The following NELL1 variants were observed in gnomAD, a reference collection of about 807,000 sequenced individuals.
NELL1 encodes the protein neural EGFL like 1, also known as protein kinase C-binding protein NELL1.
A neutral mutation model predicts 107.4 loss-of-function variants in NELL1; 76 were observed. That is an observed-to-expected ratio of 0.71 (90% CI 0.59 to 0.86). The LOEUF (loss-of-function observed/expected upper bound fraction) is 0.86, where lower values mean the gene tolerates loss of function less well. Among genes scored for constraint, NELL1 ranks in the 40% least tolerant of loss-of-function variants. NELL1 has a pLI of 0.00. For synonymous variants in NELL1, 353 were observed against 341.2 expected (o/e 1.03, Z -0.38); for missense variants, 1,024 against 1,005.5 (o/e 1.02, Z -0.25).
chr11:21,362,279 C>A (rs148625140), intron 14 of NELL1, among the ~76,000 whole-genome samples: 2 of 152,114 alleles, frequency 1.3e-5, no homozygotes, highest in East Asian at 3.9e-4. Context: ...GTTCTAGCCA[C>A]CCAGCAGAGC....
chr11:20,886,619 G>A (rs566235038), intron 5 of NELL1, among the ~76,000 whole-genome samples: 13 of 152,074 alleles, frequency 8.5e-5, no homozygotes, highest in Admixed American at 2.0e-4. Context: ...GTGTAATTCC[G>A]CATGTTCTCA....
At chr11:20,754,781 G>A (rs146981212) in intron 2 of NELL1, among the ~76,000 whole-genome samples, 3,560 of 152,134 alleles carry the variant, frequency 0.023, 63 homozygotes, top group Middle Eastern at 0.031. Context: ...ACAAACAATC[G>A]TAACATAAGA....
chr11:21,005,560 A>C (rs1388491817), intron 12 of NELL1, among the ~76,000 whole-genome samples: 1 of 152,126 alleles, frequency 6.6e-6, no homozygotes, highest in East Asian at 1.9e-4. Flanking sequence ...TGTCTTTATA[A>C]ATGGGTAGCA....
rs575281393 is a variant in NELL1 at position 21,380,136 on chromosome 11, G to A, written c.1645+9188G>A. Among the ~76,000 whole-genome samples the A allele has an allele frequency of 3.0e-4, 45 of 152,112 alleles. 1 individual carries two copies. In the South Asian group the frequency reaches 8.5e-3, roughly 29 times the overall value. ...AATTTGAGCTTTCTCAGGTTGTCTG[G>A]CACATGATTACTTGCTCAGTAAATG... On this transcript the variant is annotated intron_variant, in intron 15 of 19. Transcript: ENST00000357134.
At chr11:21,254,793 T>G (rs1482205852) in intron 14 of NELL1, among the ~76,000 whole-genome samples, 1 of 152,060 alleles carries the variant, frequency 6.6e-6, no homozygotes, top group Admixed American at 6.6e-5. Flanking sequence ...ACAGTACATT[T>G]CACAGCCATT....
At chr11:21,315,820 G>C (rs1294750278) in intron 14 of NELL1, among the ~76,000 whole-genome samples, 1 of 151,876 alleles carries the variant, frequency 6.6e-6, no homozygotes, top group African/African-American at 2.4e-5. Flanking sequence ...TAAAACTGTT[G>C]TCCAGTGAGT....
rs910498170 is a variant in NELL1 at position 21,219,919 on chromosome 11, A to G, written c.1427-9413A>G. On this transcript the variant is annotated intron_variant, in intron 13 of 19. Coordinates refer to ENST00000357134, the MANE Select transcript of NELL1 (RefSeq NM_006157.5). ...TGGCTTCAGAAACCTTAGGAAACTT[A>G]TGGTCATAGTGGAAGGTGAAGAGAT... Among the ~76,000 whole-genome samples, 3 of 152,176 alleles carry G rather than the reference A, an allele frequency of 2.0e-5. No individual in the cohort carries two copies. The East Asian group carries it at 5.8e-4, about 29-fold the overall frequency.
chr11:20,708,871 G>A (rs1461658750), intron 2 of NELL1, among the ~76,000 whole-genome samples: 1 of 152,096 alleles, frequency 6.6e-6, no homozygotes, highest in Non-Finnish European at 1.5e-5. Context: ...TATTTCCATG[G>A]ACTGTGGTGG....
At chr11:20,954,853 A>G (rs913085677) in intron 11 of NELL1, among the ~76,000 whole-genome samples, 1 of 152,224 alleles carries the variant, frequency 6.6e-6, no homozygotes, top group African/African-American at 2.4e-5. Flanking sequence ...TACATGCTTA[A>G]TAGAAACATA....
At chr11:21,336,866 A>T (rs1850414384) in intron 14 of NELL1, among the ~76,000 whole-genome samples, 2 of 151,976 alleles carry the variant, frequency 1.3e-5, no homozygotes, top group Admixed American at 6.6e-5. Flanking sequence ...AGGAAATAAA[A>T]GTTATTCCCT....
chr11:20,770,887 C>T (rs1392989211), intron 2 of NELL1: 1 of 151,846 alleles, frequency 6.6e-6, no homozygotes, highest in Admixed American at 6.6e-5. Context: ...TTTTCCCCTC[C>T]TTCTGATAGC....
intron 15 of NELL1, among the ~76,000 whole-genome samples, chr11:21,467,517 G>A (rs1564908922): frequency 6.6e-6 from 1 of 151,972 alleles, no homozygotes; most frequent in Non-Finnish European, 1.5e-5. Context: ...TCAGTTTAAT[G>A]TTGTCCTATT....
rs147425797 is a variant in NELL1 at position 20,802,382 on chromosome 11, G to A, written c.335+18552G>A. On this transcript the variant is annotated intron_variant, in intron 3 of 19. Coordinates refer to ENST00000357134, the MANE Select transcript of NELL1 (RefSeq NM_006157.5). ...ACTTTCTTGATTTCTTTTTCAGATC[G>A]TTCATTGTTGGTGTACAGAAATGCT... 5.2e-3 allele frequency among the ~76,000 whole-genome samples: 764 copies of A among 148,140 alleles called. 8 individuals carry two copies. Among genetic ancestry groups the A allele is most frequent in the African/African-American group, 0.018 (723 of 40,434 alleles).
chr11:21,400,600 T>C (rs1852075494), intron 15 of NELL1, among the ~76,000 whole-genome samples: 1 of 151,956 alleles, frequency 6.6e-6, no homozygotes, highest in African/African-American at 2.4e-5. Context: ...TGTGATGTTC[T>C]CAATGTCTTT....
intron 14 of NELL1, among the ~76,000 whole-genome samples, chr11:21,302,960 C>G (rs1263319387): frequency 6.6e-6 from 1 of 151,802 alleles, no homozygotes; most frequent in African/African-American, 2.4e-5. Context: ...ACTCAAGAGA[C>G]TGAAGCGGGA....
At chr11:20,883,363 G>GT (rs1336061086) in intron 4 of NELL1, among the ~76,000 whole-genome samples, 1 of 152,152 alleles carries the variant, frequency 6.6e-6, no homozygotes, top group Non-Finnish European at 1.5e-5. Flanking sequence ...CTCTTTGATT[G>GT]TTTTTTCCTT....
intron 11 of NELL1, among the ~76,000 whole-genome samples, chr11:20,953,709 G>T (rs1851112640): frequency 6.6e-6 from 1 of 152,052 alleles, no homozygotes; most frequent in Admixed American, 6.5e-5. Flanking sequence ...ACATATCACG[G>T]GCCCATGCTG....
At chr11:20,878,383 C>T (rs1849347415) in intron 4 of NELL1, among the ~76,000 whole-genome samples, 1 of 105,458 alleles carries the variant, frequency 9.5e-6, no homozygotes, top group Non-Finnish European at 2.3e-5. Context: ...AAAAAAGATG[C>T]CATTTGATCT....
At chr11:20,960,076 A>G (rs1025658278) in intron 11 of NELL1, among the ~76,000 whole-genome samples, 2 of 152,024 alleles carry the variant, frequency 1.3e-5, no homozygotes, top group African/African-American at 4.8e-5. Context: ...ATATATTCAT[A>G]TATATTAATT....
Sources: allele counts gnomAD v4.1 joint callset (sites outside exome capture counted in the v4.1 genomes callset), GRCh38; gene constraint gnomAD v4.1.1; transcripts MANE v1.5; gene names NCBI Gene and HGNC (gene_info 2026-07-23, HGNC 2026-07-21).